The following WDPCP variants were observed in gnomAD, a reference collection of about 807,000 sequenced individuals.
The protein encoded by WDPCP is WD repeat containing planar cell polarity effector, also known as WD repeat-containing and planar cell polarity effector protein fritz homolog.
WDPCP carries 71 observed loss-of-function variants against 93.1 expected under a neutral mutation model. The ratio of observed to expected loss-of-function variants is 0.76; its 90% CI spans 0.63 to 0.93. WDPCP has a LOEUF of 0.93. Ranked by LOEUF, WDPCP falls within the 40% of genes least tolerant of loss-of-function variation. The pLI is 0.00. For missense variants in WDPCP, 844 were observed against 887.4 expected, an observed-to-expected ratio of 0.95 and a Z score of 0.62; for synonymous variants, 315 against 315.0, an observed-to-expected ratio of 1.00 and a Z score of 0.00.
chr2:63,621,825 G>A (rs1271288107), intron 3 of WDPCP, among the ~76,000 whole-genome samples: 1 of 151,904 alleles, frequency 6.6e-6, no homozygotes, highest in Non-Finnish European at 1.5e-5. Flanking sequence ...CAGTGGATCT[G>A]CTTGCAGAAA....
chr2:63,403,714 G>C (rs1472243808), intron 10 of WDPCP: 1 of 190,558 alleles, frequency 5.2e-6, no homozygotes, highest in Non-Finnish European at 1.1e-5. Flanking sequence ...TTTTTCAATG[G>C]ACAAAGTAAG....
intron 2 of WDPCP, among the ~76,000 whole-genome samples, chr2:63,668,657 G>T (rs1202397905): frequency 6.6e-6 from 1 of 152,176 alleles, no homozygotes; most frequent in Non-Finnish European, 1.5e-5. Flanking sequence ...GTGAGAATAG[G>T]ATGGTAGAAG....
At chr2:63,310,624 T>C (rs946612299) in intron 13 of WDPCP, among the ~76,000 whole-genome samples, 4 of 152,338 alleles carry the variant, frequency 2.6e-5, no homozygotes, top group African/African-American at 7.2e-5. Flanking sequence ...TTATTGACTA[T>C]GCCTGCTTTT....
chr2:63,163,085 A>G (rs546208114), intron 15 of WDPCP, among the ~76,000 whole-genome samples: 2 of 152,308 alleles, frequency 1.3e-5, no homozygotes, highest in South Asian at 2.1e-4. Context: ...TAAAGCCACA[A>G]TAAAATATAA....
intron 1 of WDPCP, among the ~76,000 whole-genome samples, chr2:63,521,789 A>AC (rs1286929934): frequency 6.6e-6 from 1 of 151,970 alleles, no homozygotes; most frequent in Non-Finnish European, 1.5e-5. Flanking sequence ...GCATAAAACA[A>AC]CCCTCAGCAA....
chr2:63,510,280 C>T (rs759254458), intron 1 of WDPCP, among the ~76,000 whole-genome samples: 19 of 152,178 alleles, frequency 1.2e-4, no homozygotes, highest in Non-Finnish European at 2.5e-4. Flanking sequence ...GTTCAACATA[C>T]ACAAATCAAT....
chr2:63,134,283 A>T (rs1670472516), intron 17 of WDPCP, among the ~76,000 whole-genome samples: 1 of 151,926 alleles, frequency 6.6e-6, no homozygotes, highest in African/African-American at 2.4e-5. Flanking sequence ...GTTTTATTTT[A>T]TTTTTCCTCC....
chr2:63,218,588 G>A (rs1016161591), intron 14 of WDPCP, among the ~76,000 whole-genome samples: 5 of 152,072 alleles, frequency 3.3e-5, no homozygotes, highest in African/African-American at 1.2e-4. Flanking sequence ...GGAGTGCAGT[G>A]GCCCTATCTC....
chr2:63,809,837 G>A (rs960871154), intron 2 of WDPCP, among the ~76,000 whole-genome samples: 1 of 152,028 alleles, frequency 6.6e-6, no homozygotes, highest in African/African-American at 2.4e-5. Flanking sequence ...TTTATCTGCT[G>A]ACCTTCCCTC....
intron 2 of WDPCP, among the ~76,000 whole-genome samples, chr2:63,804,032 G>A (rs1380572123): frequency 6.6e-6 from 1 of 152,028 alleles, no homozygotes; most frequent in African/African-American, 2.4e-5. Context: ...TTGCCTCTAG[G>A]GGGGAATTTT....
At chr2:63,764,328 C>T (rs1670106345) in intron 2 of WDPCP, among the ~76,000 whole-genome samples, 1 of 152,038 alleles carries the variant, frequency 6.6e-6, no homozygotes, top group Non-Finnish European at 1.5e-5. Flanking sequence ...GTTTGCAAGG[C>T]CAGTCAAGGG....
chr2:63,604,826 A>G, intron 3 of WDPCP: 1 of 1,614,246 alleles, frequency 6.2e-7, no homozygotes, highest in Non-Finnish European at 8.5e-7. Context: ...GTTGGTGTTT[A>G]TGAAGCTCTG....
intron 2 of WDPCP, among the ~76,000 whole-genome samples, chr2:63,715,094 C>T (rs768494888): frequency 3.9e-5 from 6 of 152,120 alleles, no homozygotes; most frequent in East Asian, 1.9e-4. Context: ...TGAAATATCC[C>T]GAATAGGTAA....
At chr2:63,752,049 A>C (rs1296044130) in intron 2 of WDPCP, 3 of 623,292 alleles carry the variant, frequency 4.8e-6, no homozygotes, top group African/African-American at 3.6e-5. Context: ...AACCACTTCA[A>C]CCTCTTTGGC....
intron 14 of WDPCP, among the ~76,000 whole-genome samples, chr2:63,218,701 TG>T (rs1677562618): frequency 6.6e-6 from 1 of 150,426 alleles, no homozygotes; most frequent in Non-Finnish European, 1.5e-5. Context: ...AGCTAATTTT[TG>T]TATTTTTTTA....
rs141539026 is a variant in WDPCP at position 63,667,325 on chromosome 2, G to A, written n.309-16487C>T. On this transcript the variant is annotated intron_variant and non_coding_transcript_variant, in intron 2 of 4. Transcript: ENST00000467687. ...GGTTTGTCCTCTAGGGCAGAACAGCGCTGGCAGAGATCCTGGGGATAGGTA... is the reference window on the plus strand; with the variant it reads ...GGTTTGTCCTCTAGGGCAGAACAGCACTGGCAGAGATCCTGGGGATAGGTA... 1.2e-4 allele frequency among the ~76,000 whole-genome samples: 18 copies of A among 152,278 alleles called. No homozygotes were observed. The East Asian group carries it at 3.1e-3, about 26-fold the overall frequency.
At chr2:63,335,958 G>A (rs1425695157) in intron 12 of WDPCP, among the ~76,000 whole-genome samples, 1 of 152,108 alleles carries the variant, frequency 6.6e-6, no homozygotes, top group East Asian at 1.9e-4. Flanking sequence ...ACTCCCACCA[G>A]CGCCATGACA....
intron 10 of WDPCP, among the ~76,000 whole-genome samples, chr2:63,385,108 G>GA (rs993422821): frequency 6.6e-6 from 1 of 151,696 alleles, no homozygotes; most frequent in Non-Finnish European, 1.5e-5. Context: ...AAAGCACTTG[G>GA]AAAAAAAATT....
intron 1 of WDPCP, among the ~76,000 whole-genome samples, chr2:63,560,114 T>C (rs948781749): frequency 6.6e-6 from 1 of 151,646 alleles, no homozygotes; most frequent in African/African-American, 2.4e-5. Context: ...TCCCAGCTAT[T>C]TGGGAAGCTC....
Sources: allele counts gnomAD v4.1 joint callset (sites outside exome capture counted in the v4.1 genomes callset), GRCh38; gene constraint gnomAD v4.1.1; transcripts MANE v1.5; gene names NCBI Gene and HGNC (gene_info 2026-07-23, HGNC 2026-07-21).